DUSP22: variants seen among roughly 807,000 people sequenced by gnomAD.
DUSP22 encodes the protein dual specificity protein phosphatase 22.
In DUSP22, 24 loss-of-function variants were observed where a neutral mutation model predicts 24.5. That is an observed-to-expected ratio of 0.98 (90% CI 0.71 to 1.38). The LOEUF is 1.38. Ranked by LOEUF, DUSP22 falls within the 40% of genes most tolerant of loss-of-function variation. The pLI is 0.00. For missense variants in DUSP22, 330 were observed against 269.2 expected, an observed-to-expected ratio of 1.23 and a Z score of -1.58; for synonymous variants, 160 against 106.4, an observed-to-expected ratio of 1.50 and a Z score of -3.10.
At position 350,785 on chromosome 6, in the gene DUSP22, T is replaced by G. The variant is rs745362804; in HGVS notation, c.*1834T>G. Reference sequence around the variant, plus strand: ...ATTCTTGGAGTTCTTGAAATGTTGTTTTAATATTTGTTGCCAGTAATGTTC... The same window carrying G: ...ATTCTTGGAGTTCTTGAAATGTTGTGTTAATATTTGTTGCCAGTAATGTTC... On this transcript the variant is annotated 3_prime_UTR_variant, in exon 7 of 7. Transcript: ENST00000419235. The G allele has an allele frequency of 1.5e-5, 25 of 1,614,094 alleles. No individual in the cohort carries two copies. The South Asian group carries it at 2.7e-4, about 18-fold the overall frequency.
At chr6:300,955 C>T (rs918524430) in intron 1 of DUSP22, among the ~76,000 whole-genome samples, 1 of 152,308 alleles carries the variant, frequency 6.6e-6, no homozygotes, top group African/African-American at 2.4e-5. Context: ...GCTGATGCTA[C>T]AGCCAGTGGA....
chr6:306,408 A>G (rs1478343254), intron 2 of DUSP22, among the ~76,000 whole-genome samples: 2 of 152,308 alleles, frequency 1.3e-5, no homozygotes, highest in South Asian at 2.1e-4. Flanking sequence ...ACTACAAGCT[A>G]TACCTGTTTT....
Position 337,349 on chromosome 6 carries a change from C to T in DUSP22, c.188+2186C>T, listed in dbSNP as rs1267009286. Among the ~76,000 whole-genome samples, 11 of 152,304 alleles carry T rather than the reference C, an allele frequency of 7.2e-5. No individual in the cohort carries two copies. The East Asian group carries it at 7.7e-4, about 11-fold the overall frequency. ...GGCATGTATGTGAAGGTGTTTTCTG[C>T]GAACTCTGAGCACTTGTAAAACTGA... On this transcript the variant is annotated intron_variant, in intron 4 of 6. Coordinates refer to ENST00000419235, the MANE Select transcript of DUSP22 (RefSeq NM_001286555.3).
intron 2 of DUSP22, among the ~76,000 whole-genome samples, chr6:307,477 C>A (rs964793): frequency 0.21 from 29,657 of 144,458 alleles, 193 homozygotes; most frequent in African/African-American, 0.31. Context: ...AGAAGAACCA[C>A]AAACAAACCC....
Position 349,192 on chromosome 6 carries a change from C to T in DUSP22, c.*241C>T. On this transcript the variant is annotated 3_prime_UTR_variant, in exon 7 of 7. Coordinates refer to ENST00000419235, the MANE Select transcript of DUSP22 (RefSeq NM_001286555.3). ...GGGGATGTTGCCCAGTGGCTGTGCA[C>T]TGCTCTGTGCACGTGCGTGTGTGTG... 1 of 1,419,880 alleles carries T rather than the reference C, an allele frequency of 7.0e-7. No homozygotes were observed. The highest frequency in any genetic ancestry group is 9.2e-7 in the Non-Finnish European group (1 of 1,090,530). The allele number at this position is 1,419,880 out of a possible 1,614,324, so 88.0% of individuals were successfully genotyped here. A position where few individuals can be genotyped will look rare whatever the true frequency, so the allele number is the denominator to read the frequency against.
chr6:344,995 C>T (rs1172485373), intron 4 of DUSP22, among the ~76,000 whole-genome samples: 1 of 152,304 alleles, frequency 6.6e-6, no homozygotes, highest in Non-Finnish European at 1.5e-5. Context: ...GGGCGCCGTC[C>T]AGAACTTCCC....
intron 1 of DUSP22, among the ~76,000 whole-genome samples, chr6:296,647 G>GT (rs1757343738): frequency 6.6e-6 from 1 of 152,284 alleles, no homozygotes. Flanking sequence ...TATCCTCACT[G>GT]TCTACTTATT....
At chr6:311,797 G>A (rs1384469311) in intron 2 of DUSP22, 83 bp from the exon 3 acceptor site, 2 of 1,159,290 alleles carry the variant, frequency 1.7e-6, no homozygotes, top group Non-Finnish European at 1.2e-6. Flanking sequence ...CATTTTGTGG[G>A]TTTTTTTTTT....
intron 1 of DUSP22, among the ~76,000 whole-genome samples, chr6:303,149 A>G (rs1757662253): frequency 6.6e-6 from 1 of 152,310 alleles, no homozygotes. Context: ...ACCCTCGGGA[A>G]TGAGAGACTA....
chr6:308,058 G>C (rs566248171), intron 2 of DUSP22, among the ~76,000 whole-genome samples: 14 of 152,420 alleles, frequency 9.2e-5, no homozygotes, highest in African/African-American at 3.1e-4. Context: ...CGCTGGCACC[G>C]GGCCAAAGGT....
intron 3 of DUSP22, among the ~76,000 whole-genome samples, chr6:334,404 T>G (rs1346268622): frequency 2.7e-5 from 4 of 148,464 alleles, no homozygotes; most frequent in Non-Finnish European, 5.9e-5. Context: ...ACAGCCATTT[T>G]TTTTTTTAAA....
intron 3 of DUSP22, among the ~76,000 whole-genome samples, chr6:329,975 G>C (rs57148113): frequency 0.018 from 2,765 of 151,246 alleles, 3 homozygotes; most frequent in African/African-American, 0.065. Context: ...GCTCTTGAGA[G>C]TTCGCTGGCT....
chr6:319,796 C>T (rs1581165287), intron 3 of DUSP22: 1 of 152,494 alleles, frequency 6.6e-6, no homozygotes, highest in Non-Finnish European at 1.5e-5. Context: ...CTAGGAAAAC[C>T]TCTTTGAAGC....
At chr6:309,869 A>G (rs574057731) in intron 2 of DUSP22, among the ~76,000 whole-genome samples, 30 of 152,140 alleles carry the variant, frequency 2.0e-4, no homozygotes, top group African/African-American at 6.3e-4. Context: ...CCTGCTTTAC[A>G]TTATACCCTG....
chr6:312,595 C>G (rs577067767), intron 3 of DUSP22, among the ~76,000 whole-genome samples: 2 of 152,260 alleles, frequency 1.3e-5, no homozygotes, highest in Non-Finnish European at 2.9e-5. Flanking sequence ...TGACAGAGCC[C>G]GAGTTACCTC....
intron 3 of DUSP22, 62 bp from the exon 4 acceptor site, chr6:335,052 T>A (rs1159248295): frequency 6.4e-7 from 1 of 1,565,458 alleles, no homozygotes; most frequent in Non-Finnish European, 8.7e-7. Flanking sequence ...GTTCCTTAAA[T>A]ACTTTTCTCC....
At chr6:312,898 G>GCCTA (rs1461943160) in intron 3 of DUSP22, among the ~76,000 whole-genome samples, 1 of 152,236 alleles carries the variant, frequency 6.6e-6, no homozygotes, top group Non-Finnish European at 1.5e-5. Flanking sequence ...AATCATAGGT[G>GCCTA]GTGAACAAAC....
At chr6:308,373 G>T (rs1395856591) in intron 2 of DUSP22, among the ~76,000 whole-genome samples, 1 of 152,308 alleles carries the variant, frequency 6.6e-6, no homozygotes, top group Non-Finnish European at 1.5e-5. Context: ...AACCAATAGT[G>T]TGAAGTCTGT....
chr6:343,174 A>G (rs564529018), intron 4 of DUSP22, among the ~76,000 whole-genome samples: 31 of 152,398 alleles, frequency 2.0e-4, no homozygotes, highest in African/African-American at 7.2e-4. Flanking sequence ...ACCTTATTAC[A>G]TCTGGGTGCA....
Sources: allele counts gnomAD v4.1 joint callset (sites outside exome capture counted in the v4.1 genomes callset), GRCh38; gene constraint gnomAD v4.1.1; transcripts MANE v1.5; gene names NCBI Gene and HGNC (gene_info 2026-07-23, HGNC 2026-07-21).